Variants in SMYD3 observed in about 807,000 individuals in gnomAD.
SMYD3 encodes the protein SET and MYND domain containing 3.
A neutral mutation model predicts 57.7 loss-of-function variants in SMYD3; 36 were observed. The observed-to-expected ratio is 0.62, with a 90% CI of 0.48 to 0.82. The LOEUF (loss-of-function observed/expected upper bound fraction) is 0.82. Among genes scored for constraint, SMYD3 ranks in the 40% least tolerant of loss-of-function variants. SMYD3 has a pLI of 0.00. For synonymous variants in SMYD3, 211 were observed against 195.0 expected (o/e 1.08, Z -0.68); for missense variants, 515 against 538.8 (o/e 0.96, Z 0.44).
At chr1:245,889,037 C>T (rs1362740394) in intron 8 of SMYD3, among the ~76,000 whole-genome samples, 1 of 152,124 alleles carries the variant, frequency 6.6e-6, no homozygotes, top group Non-Finnish European at 1.5e-5. Flanking sequence ...AAATAGTGAG[C>T]CCCAAGATAG....
chr1:246,237,784 C>G (rs2148467002), intron 5 of SMYD3, among the ~76,000 whole-genome samples: 1 of 152,250 alleles, frequency 6.6e-6, no homozygotes, highest in South Asian at 2.1e-4. Flanking sequence ...CGTACTGTGA[C>G]TTAGTTTACT....
chr1:246,014,787 C>A (rs548724059), intron 5 of SMYD3, among the ~76,000 whole-genome samples: 1 of 152,166 alleles, frequency 6.6e-6, no homozygotes, highest in African/African-American at 2.4e-5. Context: ...ACTGAAGAAG[C>A]CTCCAGGTCT....
intron 1 of SMYD3, among the ~76,000 whole-genome samples, chr1:246,399,085 G>A (rs1036592884): frequency 6.6e-6 from 1 of 152,106 alleles, no homozygotes; most frequent in Non-Finnish European, 1.5e-5. Flanking sequence ...GCAGTGGCAT[G>A]ATCCTGGCTC....
At chr1:246,478,575 A>G (rs113593839) in intron 1 of SMYD3, among the ~76,000 whole-genome samples, 4 of 106,566 alleles carry the variant, frequency 3.8e-5, no homozygotes, top group East Asian at 2.5e-4. Context: ...CTGGTACATA[A>G]GTGCTCATAT....
At chr1:246,094,318 C>T (rs1393892997) in intron 5 of SMYD3, among the ~76,000 whole-genome samples, 1 of 152,194 alleles carries the variant, frequency 6.6e-6, no homozygotes, top group Admixed American at 6.5e-5. Context: ...TTAATCCACA[C>T]ACCAACTCCG....
At chr1:245,836,834 G>A (rs1417770177) in intron 10 of SMYD3, among the ~76,000 whole-genome samples, 1 of 152,138 alleles carries the variant, frequency 6.6e-6, no homozygotes, top group Non-Finnish European at 1.5e-5. Flanking sequence ...CGACAAGCAC[G>A]CCCTGAGCAG....
chr1:246,031,505 A>G (rs1442069289), intron 5 of SMYD3, among the ~76,000 whole-genome samples: 1 of 152,146 alleles, frequency 6.6e-6, no homozygotes, highest in Non-Finnish European at 1.5e-5. Context: ...TGGGAGGCCG[A>G]GGCAGGCAGA....
At chr1:245,956,562 C>CT (rs1458521987) in intron 5 of SMYD3, among the ~76,000 whole-genome samples, 1 of 152,198 alleles carries the variant, frequency 6.6e-6, no homozygotes, top group African/African-American at 2.4e-5. Context: ...CTACAAACCA[C>CT]TGTAGTTCAC....
chr1:246,453,582 A>T (rs2067662302), intron 1 of SMYD3, among the ~76,000 whole-genome samples: 1 of 152,240 alleles, frequency 6.6e-6, no homozygotes, highest in Non-Finnish European at 1.5e-5. Flanking sequence ...ATCAGTGAAC[A>T]TAAACTCCAA....
intron 5 of SMYD3, among the ~76,000 whole-genome samples, chr1:246,042,097 G>A (rs2059887873): frequency 6.6e-6 from 1 of 152,144 alleles, no homozygotes; most frequent in African/African-American, 2.4e-5. Flanking sequence ...TGATTTGAAT[G>A]CCCATAATCC....
intron 10 of SMYD3, among the ~76,000 whole-genome samples, chr1:245,802,972 C>T (rs957689768): frequency 1.3e-5 from 2 of 152,196 alleles, no homozygotes; most frequent in Non-Finnish European, 2.9e-5. Context: ...CAACATTGGC[C>T]TTTATGAATC....
chr1:245,938,241 G>A (rs534101131), intron 5 of SMYD3, among the ~76,000 whole-genome samples: 1 of 152,306 alleles, frequency 6.6e-6, no homozygotes, highest in Non-Finnish European at 1.5e-5. Flanking sequence ...TGCATGACTC[G>A]TGTACAAGCT....
chr1:246,257,727 G>A (rs1049806911), intron 5 of SMYD3, among the ~76,000 whole-genome samples: 43 of 152,190 alleles, frequency 2.8e-4, no homozygotes, highest in African/African-American at 9.9e-4. Flanking sequence ...TGGGCTATGT[G>A]CTTAAGGTGC....
Position 246,152,257 on chromosome 1 carries a change from G to A in SMYD3, c.531+174944C>T, listed in dbSNP as rs116562865. Reference sequence around the variant, plus strand: ...CTGGCGTCTGGAGAGCAGGGATGACGATGTAGAGAAGTGGAGGGAAGAGAG... The same window carrying A: ...CTGGCGTCTGGAGAGCAGGGATGACAATGTAGAGAAGTGGAGGGAAGAGAG... On this transcript the variant is annotated intron_variant, in intron 5 of 11. Coordinates refer to ENST00000490107, the MANE Select transcript of SMYD3 (RefSeq NM_001167740.2). 4.1e-3 allele frequency among the ~76,000 whole-genome samples: 627 copies of A among 152,296 alleles called. 1 individual carries two copies. Among genetic ancestry groups the A allele is most frequent in the African/African-American group, 0.015 (603 of 41,548 alleles).
intron 5 of SMYD3, among the ~76,000 whole-genome samples, chr1:245,965,683 A>T (rs1336240434): frequency 1.3e-5 from 2 of 152,216 alleles, no homozygotes; most frequent in African/African-American, 4.8e-5. Flanking sequence ...GGAAAAGGCG[A>T]AAGTATGAAG....
At chr1:246,377,450 A>G (rs1049605313) in intron 1 of SMYD3, among the ~76,000 whole-genome samples, 2 of 151,316 alleles carry the variant, frequency 1.3e-5, no homozygotes, top group African/African-American at 4.9e-5. Flanking sequence ...GCTCACCACA[A>G]ACTCCGCCTC....
At chr1:246,174,103 T>A (rs1356949294) in intron 5 of SMYD3, among the ~76,000 whole-genome samples, 1 of 152,008 alleles carries the variant, frequency 6.6e-6, no homozygotes, top group Non-Finnish European at 1.5e-5. Context: ...AGCCACTGCA[T>A]CTGGCCAACT....
intron 5 of SMYD3, among the ~76,000 whole-genome samples, chr1:246,192,755 G>A (rs954594900): frequency 6.6e-6 from 1 of 152,064 alleles, no homozygotes; most frequent in African/African-American, 2.4e-5. Context: ...GAGACTAAAT[G>A]TATCTCAATC....
intron 5 of SMYD3, among the ~76,000 whole-genome samples, chr1:246,032,401 A>G (rs1490614974): frequency 6.6e-6 from 1 of 152,174 alleles, no homozygotes; most frequent in Admixed American, 6.5e-5. Flanking sequence ...CTAACACACC[A>G]ATAATTGATA....
Sources: allele counts gnomAD v4.1 joint callset (sites outside exome capture counted in the v4.1 genomes callset), GRCh38; gene constraint gnomAD v4.1.1; transcripts MANE v1.5; gene names NCBI Gene and HGNC (gene_info 2026-07-23, HGNC 2026-07-21).